The following ZNF654 variants were observed in gnomAD, a reference collection of about 807,000 sequenced individuals.
ZNF654 encodes the protein melanoma-associated antigen.
In ZNF654, 19 loss-of-function variants were observed where a neutral mutation model predicts 95.3. That is an observed-to-expected ratio of 0.20 (90% CI 0.14 to 0.29). The LOEUF (loss-of-function observed/expected upper bound fraction) is 0.29. Ranked by LOEUF, ZNF654 falls within the 10% of genes least tolerant of loss-of-function variation. The probability of loss-of-function intolerance (pLI) is 1.00; values close to 1 mark genes in which losing one functional copy is unlikely to be tolerated. For missense variants in ZNF654, 1,046 were observed against 1,341.0 expected, an observed-to-expected ratio of 0.78 and a Z score of 3.44; for synonymous variants, 413 against 457.9, an observed-to-expected ratio of 0.90 and a Z score of 1.25.
intron 4 of ZNF654, among the ~76,000 whole-genome samples, chr3:88,127,656 G>T (rs903168993): frequency 6.6e-6 from 1 of 152,090 alleles, no homozygotes; most frequent in African/African-American, 2.4e-5. Context: ...AGCTTTTAAG[G>T]GATAGATTTA....
Position 88,126,136 on chromosome 3 carries a change from A to G in ZNF654, c.417A>G (p.Glu139=), listed in dbSNP as rs1706086562. ...CCAAAATGATTTTTCTCTCCTAGGA[A>G]TGCCAGAATCACCTCCGCAGATATG... ...PLKDILGSFQ[E]CQNHLRRYGN... is the part of the protein sequence containing the mutation. The change falls in exon 4 of 9, where the codon GAA becomes GAG. Residue 139 remains glutamate, a splice_region_variant and synonymous_variant. Coordinates refer to ENST00000636215, the MANE Select transcript of ZNF654 (RefSeq NM_001350134.2). 1 of 1,505,632 alleles carries G rather than the reference A, an allele frequency of 6.6e-7. No homozygotes were observed. The highest frequency in any genetic ancestry group is 2.2e-5 in the Admixed American group (1 of 46,228). The allele number at this position is 1,505,632 out of a possible 1,614,324, so 93.3% of individuals were successfully genotyped here. A position where few individuals can be genotyped will look rare whatever the true frequency, so the allele number is the denominator to read the frequency against.
intron 2 of ZNF654, among the ~76,000 whole-genome samples, chr3:88,099,299 G>T (rs1396995254): frequency 6.6e-6 from 1 of 152,116 alleles, no homozygotes; most frequent in Non-Finnish European, 1.5e-5. Flanking sequence ...TCTTCAAGGA[G>T]AACTGCAAAT....
chr3:88,141,140 A>G (rs1370570259), intron 8 of ZNF654, 92 bp downstream of exon 8: 13 of 1,415,920 alleles, frequency 9.2e-6, no homozygotes, highest in South Asian at 2.9e-5. Flanking sequence ...TAAAAAATTG[A>G]TATTTGTGTA....
chr3:88,139,267 T>C lies in ZNF654; in HGVS notation c.1598T>C (p.Leu533Pro). 1.3e-6 allele frequency: 2 copies of C among 1,542,828 alleles called. No individual in the cohort carries two copies. The highest frequency in any genetic ancestry group is 2.6e-5 in the South Asian group (2 of 76,510). ...AATACGAAGAAAAATCTTACAGCTC[T>C]CAGTACTTCCAAAGTAGATCACAAT... ...HINTKKNLTA[L>P]STSKVDHNVP... The change falls in exon 8 of 9, where the codon CTC becomes CCC. Residue 533 changes from leucine to proline, a missense_variant. Around this residue, in one of 9 missense-constraint regions of ZNF654, gnomAD observed 100 missense variants for 108.9 expected, o/e 0.92. Transcript: ENST00000636215.
chr3:88,079,540 G>T (rs1406589804), intron 1 of ZNF654, among the ~76,000 whole-genome samples: 1 of 151,906 alleles, frequency 6.6e-6, no homozygotes, highest in African/African-American at 2.4e-5. Flanking sequence ...AAAGTTATCT[G>T]TAAAGTTAAG....
At chr3:88,066,000 C>G (rs1203555288) in intron 1 of ZNF654, among the ~76,000 whole-genome samples, 1 of 152,154 alleles carries the variant, frequency 6.6e-6, no homozygotes, top group Admixed American at 6.5e-5. Flanking sequence ...TCCCATGATG[C>G]TAGGATTACA....
At position 88,138,824 on chromosome 3, in the gene ZNF654, A is replaced by G. The variant is rs1333995742; in HGVS notation, c.1155A>G (p.Pro385=). The change falls in exon 8 of 9, where the codon CCA becomes CCG. Residue 385 remains proline, a synonymous_variant. Coordinates refer to ENST00000636215, the MANE Select transcript of ZNF654 (RefSeq NM_001350134.2). ...LIYKTIAHFL[P]NDLEILRICA... Reference sequence around the variant, plus strand: ...ATAAAACAATTGCACATTTTTTGCCAAATGATTTGGAGATCCTCAGGATTT... The same window carrying G: ...ATAAAACAATTGCACATTTTTTGCCGAATGATTTGGAGATCCTCAGGATTT... 3.5e-5 allele frequency: 43 copies of G among 1,231,950 alleles called. No homozygotes were observed. The highest frequency in any genetic ancestry group is 4.2e-5 in the Non-Finnish European group (41 of 987,918). 76.3% of individuals were successfully genotyped at this position (1,231,950 alleles called of 1,614,324 possible). A position where few individuals can be genotyped will look rare whatever the true frequency, so the allele number is the denominator to read the frequency against.
At chr3:88,094,903 ATGCT>A (rs1189033359) in intron 2 of ZNF654, among the ~76,000 whole-genome samples, 4 of 152,138 alleles carry the variant, frequency 2.6e-5, no homozygotes, top group African/African-American at 9.6e-5. Flanking sequence ...ATTACATGAA[ATGCT>A]TCTGTAATGA....
At chr3:88,120,553 T>C (rs1705704933) in intron 3 of ZNF654, among the ~76,000 whole-genome samples, 2 of 152,108 alleles carry the variant, frequency 1.3e-5, no homozygotes, top group South Asian at 4.1e-4. Flanking sequence ...ATTGACATGA[T>C]AATCAATAGA....
chr3:88,139,001 A>G lies in ZNF654; in HGVS notation c.1332A>G (p.Gly444=). ...RFELLPILKK[G]LFFDPEFWNF... ...AATTGCTTCCAATTTTGAAAAAGGG[A>G]TTGTTTTTTGACCCTGAATTTTGGA... The change falls in exon 8 of 9, where the codon GGA becomes GGG. Residue 444 remains glycine, a synonymous_variant. Coordinates refer to ENST00000636215, the MANE Select transcript of ZNF654 (RefSeq NM_001350134.2). 1 of 1,245,342 alleles carries G rather than the reference A, an allele frequency of 8.0e-7. No individual in the cohort carries two copies. Among genetic ancestry groups the G allele is most frequent in the Non-Finnish European group, 1.0e-6 (1 of 996,780 alleles). The allele number at this position is 1,245,342 out of a possible 1,614,324, so 77.1% of individuals were successfully genotyped here.
intron 1 of ZNF654, among the ~76,000 whole-genome samples, chr3:88,073,851 G>A (rs994970000): frequency 8.5e-5 from 13 of 152,092 alleles, no homozygotes; most frequent in African/African-American, 3.1e-4. Flanking sequence ...AGAGAGCAGT[G>A]GATTTTCTAG....
At chr3:88,113,488 T>A (rs946356810) in intron 3 of ZNF654, among the ~76,000 whole-genome samples, 1 of 152,182 alleles carries the variant, frequency 6.6e-6, no homozygotes, top group African/African-American at 2.4e-5. Context: ...ACGATTCTTC[T>A]TTGCCAGACT....
intron 2 of ZNF654, among the ~76,000 whole-genome samples, chr3:88,086,694 C>T (rs1168046884): frequency 6.6e-6 from 1 of 151,968 alleles, no homozygotes; most frequent in Admixed American, 6.6e-5. Flanking sequence ...ATGGTAAGTC[C>T]CAGAATACAG....
chr3:88,107,889 T>G (rs1048704417), intron 2 of ZNF654, among the ~76,000 whole-genome samples: 5 of 152,178 alleles, frequency 3.3e-5, no homozygotes, highest in African/African-American at 1.2e-4. Context: ...TATTTTATAT[T>G]CTGTATGATT....
chr3:88,059,286 CA>C lies in ZNF654; in HGVS notation c.-33del, dbSNP rs1272979885. 2.6e-6 allele frequency: 4 copies of C among 1,530,232 alleles called. No homozygotes were observed. Among genetic ancestry groups the C allele is most frequent in the Non-Finnish European group, 3.5e-6 (4 of 1,145,562 alleles). The allele number at this position is 1,530,232 out of a possible 1,614,324, so 94.8% of individuals were successfully genotyped here. A position where few individuals can be genotyped will look rare whatever the true frequency, so the allele number is the denominator to read the frequency against. ...GGCATCTACGGCGGCGGCGGCGGCGCAGGGGCTGGTACGCGCTGGGCGGCGA... is the reference window on the plus strand; with the variant it reads ...GGCATCTACGGCGGCGGCGGCGGCGCGGGGCTGGTACGCGCTGGGCGGCGA... On this transcript the variant is annotated 5_prime_UTR_variant, in exon 1 of 9. Transcript: ENST00000636215.
chr3:88,106,289 G>A (rs1048487489), intron 2 of ZNF654, among the ~76,000 whole-genome samples: 1 of 152,078 alleles, frequency 6.6e-6, no homozygotes, highest in African/African-American at 2.4e-5. Flanking sequence ...TTATAGGGAT[G>A]TTAAGCCCTT....
chr3:88,083,749 G>C (rs1304989464), intron 1 of ZNF654, among the ~76,000 whole-genome samples: 4 of 152,184 alleles, frequency 2.6e-5, no homozygotes, highest in African/African-American at 9.6e-5. Flanking sequence ...TGTTTTAGCA[G>C]CTTCAGCGTT....
At chr3:88,121,042 G>A (rs1162142346) in intron 3 of ZNF654, among the ~76,000 whole-genome samples, 1 of 151,918 alleles carries the variant, frequency 6.6e-6, no homozygotes, top group African/African-American at 2.4e-5. Flanking sequence ...CATGGTACGT[G>A]TATACCTATG....
chr3:88,126,380 T>TG lies in ZNF654; in HGVS notation c.550+114dup, dbSNP rs946315962. On this transcript the variant is annotated intron_variant, in intron 4 of 8. Coordinates refer to ENST00000636215, the MANE Select transcript of ZNF654 (RefSeq NM_001350134.2). Reference sequence around the variant, plus strand: ...TTCTTCATTTTATAATACTGAATAATGGGAGTGATGTATTTTCACATGAAA... The same window carrying TG: ...TTCTTCATTTTATAATACTGAATAATGGGGAGTGATGTATTTTCACATGAAA... 6.3e-6 allele frequency: 7 copies of TG among 1,119,154 alleles called. No individual in the cohort carries two copies. In the African/African-American group the frequency reaches 9.5e-5, roughly 15 times the overall value. The allele number at this position is 1,119,154 out of a possible 1,614,324, so 69.3% of individuals were successfully genotyped here. A position where few individuals can be genotyped will look rare whatever the true frequency, so the allele number is the denominator to read the frequency against.
Sources: gnomAD v4.1 joint callset for allele counts (sites outside exome capture counted in the v4.1 genomes callset) on GRCh38, gnomAD v4.1.1 for gene constraint, gnomAD v4.1.1 regional missense constraint, MANE v1.5 for transcripts, NCBI Gene and HGNC (gene_info 2026-07-23, HGNC 2026-07-21) for gene names.